TULP4: variants seen among roughly 807,000 people sequenced by gnomAD.
TULP4 encodes the protein TUB like protein 4.
A neutral mutation model predicts 129.0 loss-of-function variants in TULP4; 16 were observed. That is an observed-to-expected ratio of 0.12 (90% CI 0.08 to 0.19). TULP4 has a LOEUF of 0.19. Ranked by LOEUF, TULP4 falls within the 10% of genes least tolerant of loss-of-function variation. The pLI is 1.00. For synonymous variants in TULP4, 998 were observed against 854.0 expected (o/e 1.17, Z -2.94); for missense variants, 1,842 against 2,059.1 (o/e 0.89, Z 2.04).
chr6:158,498,247 GC>G (rs897391095), intron 11 of TULP4, among the ~76,000 whole-genome samples: 17 of 152,302 alleles, frequency 1.1e-4, no homozygotes, highest in African/African-American at 4.1e-4. Context: ...TTTCTTGGTT[GC>G]CCAAGCTTCC....
intron 8 of TULP4, chr6:158,481,594 AC>A (rs1287179533): frequency 4.6e-6 from 2 of 438,052 alleles, no homozygotes; most frequent in African/African-American, 2.0e-5. Flanking sequence ...CTTCACAGTT[AC>A]CGAGTATTCA....
chr6:158,503,693 C>A lies in TULP4; in HGVS notation c.4030C>A (p.Arg1344=), dbSNP rs1780528134. 1 of 1,613,906 alleles carries A rather than the reference C, an allele frequency of 6.2e-7. No individual in the cohort carries two copies. The highest frequency in any genetic ancestry group is 8.5e-7 in the Non-Finnish European group (1 of 1,179,980). The change falls in exon 13 of 14, where the codon CGA becomes AGA. Residue 1344 remains arginine (R), a synonymous_variant. Coordinates refer to ENST00000367097, the MANE Select transcript of TULP4 (RefSeq NM_020245.5). The surrounding 1 kb of genome is among the most constrained non-coding windows in gnomAD (Gnocchi z 4.3). ...GKKNRKRLDS[R]AEEGSVQAIT... ...GAAGAACCGGAAGCGCCTGGACAGC[C>A]GAGCAGAAGAAGGCAGCGTTCAGGC...
intron 1 of TULP4, among the ~76,000 whole-genome samples, chr6:158,234,747 C>T (rs1777657262): frequency 2.0e-5 from 3 of 152,196 alleles, no homozygotes; most frequent in African/African-American, 7.2e-5. Flanking sequence ...TTTAGTGAGA[C>T]TTCATGGAAT....
At chr6:158,269,515 C>T (rs980602510) in intron 1 of TULP4, among the ~76,000 whole-genome samples, 3 of 151,990 alleles carry the variant, frequency 2.0e-5, no homozygotes, top group Non-Finnish European at 2.9e-5. Context: ...AGCAAGAATT[C>T]GTTGCCATTT....
At chr6:158,444,986 T>G (rs1779000938) in intron 3 of TULP4, among the ~76,000 whole-genome samples, 2 of 152,132 alleles carry the variant, frequency 1.3e-5, no homozygotes, top group African/African-American at 4.8e-5. Flanking sequence ...TACATCTTTT[T>G]GTTTTTTTTA....
chr6:158,303,818 A>G (rs1779169167), intron 1 of TULP4, among the ~76,000 whole-genome samples: 1 of 152,224 alleles, frequency 6.6e-6, no homozygotes, highest in African/African-American at 2.4e-5. Flanking sequence ...TTGCATTCTT[A>G]CAACTTGTAA....
intron 1 of TULP4, among the ~76,000 whole-genome samples, chr6:158,395,668 CGGGGGGG>C (rs3085239): frequency 2.4e-5 from 2 of 83,060 alleles, no homozygotes; most frequent in Non-Finnish European, 4.8e-5. Context: ...AAGTGATGGG[CGGGGGGG>C]GGGTCATGGC....
chr6:158,422,979 G>A (rs543858591), intron 2 of TULP4, among the ~76,000 whole-genome samples: 1 of 152,220 alleles, frequency 6.6e-6, no homozygotes, highest in Non-Finnish European at 1.5e-5. Context: ...CATATCAAAG[G>A]TTGCTAGCCT....
Position 158,493,758 on chromosome 6 carries a change from G to A in TULP4, c.1776+41G>A. ...TACCCTGCCTTGCTCCCCTCCTCCT[G>A]GGGGCTATGCCCAGAGGGCCCCTTC... On this transcript the variant is annotated intron_variant, in intron 10 of 13. Transcript: ENST00000367097. The surrounding 1 kb of genome is among the most constrained non-coding windows in gnomAD (Gnocchi z 4.4). The A allele has an allele frequency of 1.3e-6, 2 of 1,495,676 alleles. No homozygotes were observed. Among genetic ancestry groups the A allele is most frequent in the South Asian group, 2.7e-5 (2 of 73,818 alleles). 92.7% of individuals were successfully genotyped at this position (1,495,676 alleles called of 1,614,324 possible).
chr6:158,487,644 G>A (rs1020828014), intron 8 of TULP4, among the ~76,000 whole-genome samples: 3 of 152,246 alleles, frequency 2.0e-5, no homozygotes, highest in African/African-American at 7.2e-5. Flanking sequence ...CTAGAAGTAT[G>A]AAGTAGACCC....
At chr6:158,266,453 C>T (rs1778447714) in intron 1 of TULP4, among the ~76,000 whole-genome samples, 1 of 152,116 alleles carries the variant, frequency 6.6e-6, no homozygotes, top group Admixed American at 6.5e-5. Flanking sequence ...GACATGGTTT[C>T]ACCTTGTTCC....
chr6:158,340,261 C>T (rs557855513), intron 1 of TULP4, among the ~76,000 whole-genome samples: 19 of 152,204 alleles, frequency 1.2e-4, no homozygotes, highest in African/African-American at 4.6e-4. Context: ...TTAAAATGAA[C>T]CTGAAATAGT....
intron 8 of TULP4, 83 bp downstream of exon 8, chr6:158,481,372 T>C (rs1779941753): frequency 3.2e-6 from 4 of 1,268,850 alleles, no homozygotes; most frequent in Non-Finnish European, 4.5e-6. Context: ...GCAAAGAGAA[T>C]GTCTGCTAAT....
At chr6:158,286,424 TTG>T (rs1778837180) in intron 1 of TULP4, among the ~76,000 whole-genome samples, 1 of 152,232 alleles carries the variant, frequency 6.6e-6, no homozygotes. Context: ...AGGAAATGGA[TTG>T]TGTTTAGTAA....
At chr6:158,401,050 T>TTGTTG (rs1562551078) in intron 1 of TULP4, among the ~76,000 whole-genome samples, 3,841 of 147,172 alleles carry the variant, frequency 0.026, 155 homozygotes, top group African/African-American at 0.083. Flanking sequence ...GTTTGGGTTT[T>TTGTTG]TTGTTGTTGT....
In TULP4 at chr6:158,411,088, G is replaced by A. The variant is rs117231221; in HGVS notation, c.253-1977G>A. Among the ~76,000 whole-genome samples, 6 of 149,946 alleles carry A rather than the reference G, an allele frequency of 4.0e-5. No homozygotes were observed. The East Asian group carries it at 1.2e-3, about 29-fold the overall frequency. ...AGCCGGTTGTCCTGGCGTACAAGGA[G>A]GCGAGGCTATGCGGTCGAGGCCAAC... is the stretch of plus-strand genomic sequence containing the variant. On this transcript the variant is annotated intron_variant, in intron 1 of 13. Transcript: ENST00000367097.
intron 1 of TULP4, among the ~76,000 whole-genome samples, chr6:158,318,034 G>C (rs1294887024): frequency 6.6e-6 from 1 of 152,174 alleles, no homozygotes; most frequent in Non-Finnish European, 1.5e-5. Flanking sequence ...ATTTGTTTAA[G>C]TTCTTTGTAG....
chr6:158,405,832 C>A (rs998421067), intron 1 of TULP4, among the ~76,000 whole-genome samples: 5 of 152,168 alleles, frequency 3.3e-5, no homozygotes, highest in Admixed American at 1.3e-4. Flanking sequence ...CAAGCCTTGC[C>A]TCGGCGTCTC....
chr6:158,289,359 G>A (rs1255756806), intron 1 of TULP4, among the ~76,000 whole-genome samples: 1 of 151,138 alleles, frequency 6.6e-6, no homozygotes, highest in Non-Finnish European at 1.5e-5. Context: ...ATCAGTGTTT[G>A]GCTTTGTTTA....
Sources: allele counts gnomAD v4.1 joint callset (sites outside exome capture counted in the v4.1 genomes callset), GRCh38; gene constraint gnomAD v4.1.1; non-coding constraint Gnocchi (gnomAD v3.1); transcripts MANE v1.5; gene names NCBI Gene and HGNC (gene_info 2026-07-23, HGNC 2026-07-21).